TOP1: variants seen among roughly 807,000 people sequenced by gnomAD.
TOP1 encodes the protein DNA topoisomerase I.
TOP1 carries 10 observed loss-of-function variants against 111.1 expected under a neutral mutation model. The ratio of observed to expected loss-of-function variants is 0.09; its 90% confidence interval spans 0.06 to 0.15. TOP1 has a LOEUF of 0.15. Among genes scored for constraint, TOP1 ranks in the 10% least tolerant of loss-of-function variants. The pLI is 1.00. For missense variants in TOP1, 474 were observed against 926.7 expected, an observed-to-expected ratio of 0.51 and a Z score of 6.34; for synonymous variants, 271 against 302.9, an observed-to-expected ratio of 0.89 and a Z score of 1.10.
rs959704146 is a variant in TOP1 at position 41,083,850 on chromosome 20, G to A, written c.508-612G>A. On this transcript the variant is annotated intron_variant, in intron 7 of 20. Coordinates refer to ENST00000361337, the MANE Select transcript of TOP1 (RefSeq NM_003286.4). This position sits in a 1 kb window ranked among gnomAD's most constrained non-coding sequence, Gnocchi z 7.2. ...TTGTGCCTGTTTAGGTTTGATGCCCGTTTATTGTGTCACTGTGATCAGCTC... is the reference window on the plus strand; with the variant it reads ...TTGTGCCTGTTTAGGTTTGATGCCCATTTATTGTGTCACTGTGATCAGCTC... Among the ~76,000 whole-genome samples the A allele has an allele frequency of 5.9e-5, 9 of 152,054 alleles. No homozygotes were observed. The highest frequency in any genetic ancestry group is 1.9e-4 in the African/African-American group (8 of 41,402).
intron 13 of TOP1, among the ~76,000 whole-genome samples, chr20:41,105,305 A>G (rs2034128671): frequency 6.6e-6 from 1 of 152,222 alleles, no homozygotes; most frequent in African/African-American, 2.4e-5. Flanking sequence ...GACATATTGT[A>G]CAACCTATTG....
At chr20:41,076,031 C>T in intron 3 of TOP1, 140 bp from the exon 4 acceptor site, 1 of 767,668 alleles carries the variant, frequency 1.3e-6, no homozygotes, top group Non-Finnish European at 2.1e-6. Context: ...TAGCCAAGAC[C>T]CTCTACTTGA....
chr20:41,112,858 G>A lies in TOP1; in HGVS notation c.1385G>A (p.Arg462Gln), dbSNP rs2145964106. 1.2e-6 allele frequency: 2 copies of A among 1,614,208 alleles called. No homozygotes were observed. The highest frequency in any genetic ancestry group is 1.3e-5 in the African/African-American group (1 of 75,060). ...KCVDKIRNQYREDWKSKEMKV... is the reference protein window; with the variant it reads ...KCVDKIRNQYQEDWKSKEMKV... ...GTGGACAAGATCCGGAACCAGTATCGAGAAGACTGGAAGTCCAAAGAGATG... is the reference window on the plus strand; with the variant it reads ...GTGGACAAGATCCGGAACCAGTATCAAGAAGACTGGAAGTCCAAAGAGATG... Residue 462 changes from arginine (R) to glutamine (Q), a missense_variant, in exon 14 of 21, where the codon CGA becomes CAA. By Grantham distance (43) the Arg-to-Gln change is conservative (BLOSUM62 1). This residue lies in a region of TOP1 where 14 missense variants were observed against 22.2 expected (regional missense o/e 0.63). Transcript: ENST00000361337. The surrounding 1 kb of genome is among the most constrained non-coding windows in gnomAD (Gnocchi z 5.8).
chr20:41,075,484 T>A (rs77073824), intron 3 of TOP1, among the ~76,000 whole-genome samples: 42 of 152,356 alleles, frequency 2.8e-4, no homozygotes, highest in Middle Eastern at 3.4e-3. Context: ...AATAAACATC[T>A]TTATATGTAA....
chr20:41,057,382 C>CA (rs1268723045), intron 2 of TOP1, among the ~76,000 whole-genome samples: 23 of 149,332 alleles, frequency 1.5e-4, no homozygotes, highest in Admixed American at 8.0e-4. Context: ...ACTCTGTCTC[C>CA]AAAAAAAATA....
intron 2 of TOP1, among the ~76,000 whole-genome samples, chr20:41,048,077 G>A (rs1462808829): frequency 2.7e-5 from 4 of 147,528 alleles, no homozygotes; most frequent in Admixed American, 6.8e-5. Flanking sequence ...AGACTCAATA[G>A]TCTAGGCTAT....
intron 2 of TOP1, among the ~76,000 whole-genome samples, chr20:41,049,134 T>C (rs912526969): frequency 3.3e-5 from 5 of 152,222 alleles, no homozygotes; most frequent in East Asian, 1.9e-4. Flanking sequence ...AGCCTCCTTC[T>C]TGTGTGTCTT....
intron 2 of TOP1, among the ~76,000 whole-genome samples, chr20:41,052,749 G>A (rs2033420916): frequency 6.6e-6 from 1 of 152,164 alleles, no homozygotes; most frequent in African/African-American, 2.4e-5. Context: ...CCAGCACTTT[G>A]GGAGGCCAAG....
At chr20:41,036,313 G>A (rs527753106) in intron 2 of TOP1, among the ~76,000 whole-genome samples, 3 of 152,268 alleles carry the variant, frequency 2.0e-5, no homozygotes, top group Admixed American at 2.0e-4. Context: ...AGGTCTAGGG[G>A]AAGAGTGGGG....
At position 41,102,931 on chromosome 20, in the gene TOP1, A is replaced by G. The variant is rs2034087205; in HGVS notation, c.1308+1578A>G. Among the ~76,000 whole-genome samples the G allele has an allele frequency of 6.6e-6, 1 of 152,174 alleles. No individual in the cohort carries two copies. The highest frequency in any genetic ancestry group is 2.4e-5 in the African/African-American group (1 of 41,444). On this transcript the variant is annotated intron_variant, in intron 13 of 20. Coordinates refer to ENST00000361337, the MANE Select transcript of TOP1 (RefSeq NM_003286.4). The surrounding 1 kb of genome is among the most constrained non-coding windows in gnomAD (Gnocchi z 4.0). Reference sequence around the variant, plus strand: ...AGATCAACAATAACTTTATGAAGAAAAGTAGGTTATGGTTGGGTCTTAAAA... The same window carrying G: ...AGATCAACAATAACTTTATGAAGAAGAGTAGGTTATGGTTGGGTCTTAAAA...
Position 41,092,437 on chromosome 20 carries a change from G to A in TOP1, c.615-35G>A, listed in dbSNP as rs372057347. On this transcript the variant is annotated intron_variant, in intron 8 of 20. Transcript: ENST00000361337. The surrounding 1 kb of genome is among the most constrained non-coding windows in gnomAD (Gnocchi z 4.3). ...TGATGATCCCCATGTTAGACAAGGCGATCACTAAATGAGGCTGTGCTTTGT... is the reference window on the plus strand; with the variant it reads ...TGATGATCCCCATGTTAGACAAGGCAATCACTAAATGAGGCTGTGCTTTGT... The A allele has an allele frequency of 9.9e-5, 105 of 1,055,390 alleles. 2 individuals are homozygous for A. The African/African-American group carries it at 1.2e-3, about 12-fold the overall frequency. 65.4% of individuals were successfully genotyped at this position (1,055,390 alleles called of 1,614,324 possible).
intron 2 of TOP1, among the ~76,000 whole-genome samples, chr20:41,048,655 A>T (rs980419032): frequency 6.6e-6 from 1 of 152,242 alleles, no homozygotes; most frequent in Admixed American, 6.5e-5. Context: ...TTTTGGCATA[A>T]TAATAAAACA....
chr20:41,066,381 A>T (rs896740398), intron 3 of TOP1, among the ~76,000 whole-genome samples: 3 of 152,054 alleles, frequency 2.0e-5, no homozygotes, highest in African/African-American at 4.8e-5. Context: ...ATCTTGATAC[A>T]TGCTTCACAG....
rs1315987504 is a variant in TOP1 at position 41,058,505 on chromosome 20, T to A, written c.59-2889T>A. ...ATGGCTAATTGGCAGGAAGCTTAAG[T>A]TTCTTACTACATGGGCCTTTCCAGA... On this transcript the variant is annotated intron_variant, in intron 2 of 20. Transcript: ENST00000361337. This position sits in a 1 kb window ranked among gnomAD's most constrained non-coding sequence, Gnocchi z 4.2. Among the ~76,000 whole-genome samples the A allele has an allele frequency of 6.6e-6, 1 of 152,186 alleles. No homozygotes were observed. The highest frequency in any genetic ancestry group is 2.4e-5 in the African/African-American group (1 of 41,452).
At chr20:41,037,416 G>A (rs996155362) in intron 2 of TOP1, among the ~76,000 whole-genome samples, 3 of 152,080 alleles carry the variant, frequency 2.0e-5, no homozygotes, top group African/African-American at 4.8e-5. Context: ...CCCCCAAAAC[G>A]TTTTTAAATT....
rs2034196848 is a variant in TOP1 at position 41,109,284 on chromosome 20, C to T, written c.1309-3498C>T. Among the ~76,000 whole-genome samples, 1 of 151,986 alleles carries T rather than the reference C, an allele frequency of 6.6e-6. No individual in the cohort carries two copies. Among genetic ancestry groups the T allele is most frequent in the African/African-American group, 2.4e-5 (1 of 41,374 alleles). ...ATTAAAAATATATATATATTCTGAG[C>T]CTGGCATCTTGGTATAAAATTCAAA... On this transcript the variant is annotated intron_variant, in intron 13 of 20. Transcript: ENST00000361337. The surrounding 1 kb of genome is among the most constrained non-coding windows in gnomAD (Gnocchi z 4.1).
At chr20:41,105,015 C>A (rs745375758) in intron 13 of TOP1, among the ~76,000 whole-genome samples, 2 of 152,280 alleles carry the variant, frequency 1.3e-5, no homozygotes, top group African/African-American at 2.4e-5. Context: ...CACCATCTGG[C>A]TTTGTAAAAT....
At chr20:41,045,596 T>C (rs1431256274) in intron 2 of TOP1, among the ~76,000 whole-genome samples, 1 of 152,244 alleles carries the variant, frequency 6.6e-6, no homozygotes, top group Non-Finnish European at 1.5e-5. Flanking sequence ...TGAACTTATA[T>C]TTATGTACAC....
intron 2 of TOP1, among the ~76,000 whole-genome samples, chr20:41,052,727 A>C (rs1012144090): frequency 9.2e-5 from 14 of 152,130 alleles, no homozygotes; most frequent in African/African-American, 3.4e-4. Flanking sequence ...ATGGTGGCTC[A>C]CTCCTGTAAT....
Sources: gnomAD v4.1 joint callset for allele counts (sites outside exome capture counted in the v4.1 genomes callset) on GRCh38, gnomAD v4.1.1 for gene constraint, gnomAD v4.1.1 regional missense constraint, Gnocchi (gnomAD v3.1) non-coding constraint, MANE v1.5 for transcripts, NCBI Gene and HGNC (gene_info 2026-07-23, HGNC 2026-07-21) for gene names.